Variants in FAAP20 observed in about 807,000 individuals in gnomAD.
FAAP20 encodes the protein FA core complex associated protein 20, also known as Fanconi anemia core complex-associated protein 20.
Under a neutral mutation model 16.2 loss-of-function variants are expected in FAAP20, and 12 were observed. The ratio of observed to expected loss-of-function variants is 0.74; its 90% CI spans 0.48 to 1.20. The LOEUF is 1.20. FAAP20 is among the 50% of genes most tolerant of loss of function. The pLI, the probability that FAAP20 is intolerant of heterozygous loss-of-function variation, is 0.00. For missense variants in FAAP20, 288 were observed against 245.8 expected (o/e 1.17, Z -1.15); for synonymous variants, 141 against 110.7 (o/e 1.27, Z -1.72).
intron 3 of FAAP20, chr1:2,190,437 C>T: frequency 2.3e-6 from 1 of 443,824 alleles, no homozygotes; most frequent in South Asian, 1.6e-5. Flanking sequence ...GCGCCCTGGG[C>T]ATCCAGTGGG....
chr1:2,184,567 C>G, downstream of FAAP20: 1 of 1,609,524 alleles, frequency 6.2e-7, no homozygotes, highest in South Asian at 1.1e-5. Flanking sequence ...GACCCTTCTC[C>G]TATTGTTTTT....
upstream of FAAP20, chr1:2,203,529 G>C (rs1311470043): frequency 3.0e-6 from 3 of 985,706 alleles, no homozygotes; most frequent in African/African-American, 5.2e-5. Context: ...TGACAGGGAA[G>C]GTAGGCAGCT....
chr1:2,195,670 C>T (rs1688787829), upstream of FAAP20, among the ~76,000 whole-genome samples: 1 of 152,198 alleles, frequency 6.6e-6, no homozygotes, highest in Non-Finnish European at 1.5e-5. Flanking sequence ...GTCGTCTGTG[C>T]CCTCCCTCCA....
chr1:2,192,508 A>T (rs1688346018), intron 3 of FAAP20: 2 of 997,828 alleles, frequency 2.0e-6, no homozygotes, highest in Non-Finnish European at 2.4e-6. Context: ...AAAGCAGGCG[A>T]TGCAAAGACA....
upstream of FAAP20, chr1:2,198,267 C>T: frequency 9.9e-7 from 1 of 1,008,342 alleles, no homozygotes; most frequent in South Asian, 1.5e-5. Flanking sequence ...CCAGGCAGAG[C>T]AGAAGGTGAT....
chr1:2,211,406 T>C (rs1184747211), downstream of FAAP20, among the ~76,000 whole-genome samples: 4 of 14,926 alleles, frequency 2.7e-4, no homozygotes, highest in African/African-American at 1.6e-3. Flanking sequence ...ATTTTATATA[T>C]ATATATATAT....
In FAAP20 at chr1:2,193,873, G is replaced by C. The variant is rs765513685; in HGVS notation, c.236C>G (p.Thr79Ser). Residue 79 changes from threonine to serine, a missense_variant, in exon 3 of 4, where the codon ACT becomes AGT. Coordinates refer to ENST00000378546, the MANE Select transcript of FAAP20 (RefSeq NM_182533.4). ...RCGPEPTEVF[T>S]VGPKTFSWTP... is the part of the protein sequence containing the mutation. ...CCAGGAAAAGGTCTTGGGTCCGACAGTGAAGACTTCAGTGGGCTCCGGGCC... is the reference window on the plus strand; with the variant it reads ...CCAGGAAAAGGTCTTGGGTCCGACACTGAAGACTTCAGTGGGCTCCGGGCC... The C allele has an allele frequency of 6.2e-7, 1 of 1,612,564 alleles. No homozygotes were observed. Among genetic ancestry groups the C allele is most frequent in the Admixed American group, 1.7e-5 (1 of 59,886 alleles).
chr1:2,191,852 A>G (rs1688267148), intron 3 of FAAP20: 4 of 985,496 alleles, frequency 4.1e-6, no homozygotes, highest in Non-Finnish European at 4.8e-6. Context: ...CCAGCTTCCC[A>G]TCCACCCACG....
chr1:2,202,633 T>TTTTGC (rs1379169327), upstream of FAAP20, among the ~76,000 whole-genome samples: 1 of 151,686 alleles, frequency 6.6e-6, no homozygotes, highest in Non-Finnish European at 1.5e-5. Context: ...CTGGTTAATT[T>TTTTGC]TTTGTTTTGT....
At chr1:2,190,038 A>G in intron 3 of FAAP20, 2 of 602,860 alleles carry the variant, frequency 3.3e-6, no homozygotes, top group Non-Finnish European at 6.1e-6. Flanking sequence ...GCTGTGTCTC[A>G]ACAAGCCTCT....
upstream of FAAP20, chr1:2,203,343 G>C (rs1569579167): frequency 4.6e-6 from 4 of 876,448 alleles, no homozygotes; most frequent in African/African-American, 1.8e-5. Flanking sequence ...AGTGGGGCAG[G>C]CTCTCTGGAC....
At chr1:2,200,718 C>T (rs567446239), upstream of FAAP20, 652 of 987,732 alleles carry the variant, frequency 6.6e-4, 6 homozygotes, top group African/African-American at 0.011. Context: ...AGCTTGAAAA[C>T]GCTGAGCCCA....
At chr1:2,210,406 G>A (rs980674504), downstream of FAAP20, among the ~76,000 whole-genome samples, 20 of 152,108 alleles carry the variant, frequency 1.3e-4, no homozygotes, top group Non-Finnish European at 2.9e-5. Flanking sequence ...AGCCCCCCAC[G>A]GCGCCCACAG....
chr1:2,211,412 TATATATATATATATATATATATA>T (rs1689435030), downstream of FAAP20, among the ~76,000 whole-genome samples: 4 of 21,202 alleles, frequency 1.9e-4, no homozygotes, highest in Non-Finnish European at 3.4e-4. Context: ...TATATATATA[TATATATATATATATATATATATA>T]TTTTTTTTTT....
upstream of FAAP20, chr1:2,200,284 A>G (rs1688996963): frequency 6.6e-6 from 1 of 152,062 alleles, no homozygotes; most frequent in Non-Finnish European, 1.5e-5. Context: ...AATCCCAGCT[A>G]CTTAGGAGGC....
upstream of FAAP20, among the ~76,000 whole-genome samples, chr1:2,204,565 C>T (rs981661743): frequency 1.3e-5 from 2 of 152,210 alleles, no homozygotes; most frequent in African/African-American, 4.8e-5. Flanking sequence ...GCTCACAGCC[C>T]TGTGGCCTGC....
At position 2,189,669 on chromosome 1, in the gene FAAP20, G is replaced by C. The variant is rs778106299; in HGVS notation, c.*40C>G. ...CGGGGCTGCTGGCGGGGGAGAGCGT[G>C]TCCGGGCGCCGCACTCTGCGCAGGG... On this transcript the variant is annotated 3_prime_UTR_variant, in exon 4 of 4. Coordinates refer to ENST00000378546, the MANE Select transcript of FAAP20 (RefSeq NM_182533.4). 6.4e-7 allele frequency: 1 copy of C among 1,562,366 alleles called. No individual in the cohort carries two copies. Among genetic ancestry groups the C allele is most frequent in the Non-Finnish European group, 8.8e-7 (1 of 1,137,570 alleles).
upstream of FAAP20, chr1:2,201,189 C>T (rs1014162452): frequency 1.3e-5 from 16 of 1,243,940 alleles, no homozygotes; most frequent in Middle Eastern, 3.4e-4. Flanking sequence ...ACAGAGGAGC[C>T]GTGGGGTGGC....
intron 3 of FAAP20, chr1:2,190,159 A>G: frequency 2.0e-6 from 1 of 493,016 alleles, no homozygotes; most frequent in South Asian, 1.5e-5. Context: ...TGCCAGGGAG[A>G]GCCGCCGCGG....
Sources: allele counts gnomAD v4.1 joint callset (sites outside exome capture counted in the v4.1 genomes callset), GRCh38; gene constraint gnomAD v4.1.1; transcripts MANE v1.5; gene names NCBI Gene and HGNC (gene_info 2026-07-23, HGNC 2026-07-21).